MAGI2: variants seen among roughly 807,000 people sequenced by gnomAD.
The protein encoded by MAGI2 is membrane associated guanylate kinase, WW and PDZ domain containing 2, also known as membrane-associated guanylate kinase, WW and PDZ domain-containing protein 2.
In MAGI2, 35 loss-of-function variants were observed where a neutral mutation model predicts 133.3. That is an observed-to-expected ratio of 0.26 (90% CI 0.20 to 0.35). MAGI2 has a LOEUF of 0.35. MAGI2 is among the 10% of genes least tolerant of loss of function. The probability of loss-of-function intolerance (pLI) is 1.00; values close to 1 mark genes in which losing one functional copy is unlikely to be tolerated. For missense variants in MAGI2, 1,636 were observed against 1,863.4 expected (o/e 0.88, Z 2.25); for synonymous variants, 729 against 710.6 (o/e 1.03, Z -0.41).
At chr7:79,150,642 T>C (rs1823122201) in intron 1 of MAGI2, among the ~76,000 whole-genome samples, 2 of 152,156 alleles carry the variant, frequency 1.3e-5, no homozygotes, top group Admixed American at 1.3e-4. Context: ...GTGGAATAAA[T>C]GTTTAATAAT....
At chr7:79,230,422 T>G (rs1382527554) in intron 1 of MAGI2, among the ~76,000 whole-genome samples, 1 of 151,534 alleles carries the variant, frequency 6.6e-6, no homozygotes, top group Non-Finnish European at 1.5e-5. Context: ...TGTAAAAGTG[T>G]TCCTATTTCT....
chr7:79,173,323 G>T (rs1825795092), intron 1 of MAGI2, among the ~76,000 whole-genome samples: 1 of 150,022 alleles, frequency 6.7e-6, no homozygotes, highest in African/African-American at 2.5e-5. Context: ...TATTATAATT[G>T]CATTTTTTTT....
intron 9 of MAGI2, among the ~76,000 whole-genome samples, chr7:78,284,914 A>AAAT (rs1300888858): frequency 6.6e-6 from 1 of 152,178 alleles, no homozygotes; most frequent in East Asian, 1.9e-4. Context: ...TAAGTACAGA[A>AAAT]AATATATGCT....
intron 2 of MAGI2, among the ~76,000 whole-genome samples, chr7:78,948,613 C>T (rs1262098957): frequency 3.9e-5 from 6 of 151,910 alleles, no homozygotes; most frequent in Non-Finnish European, 7.4e-5. Context: ...TTTTATAGAA[C>T]GACATTAGGC....
At chr7:78,253,773 T>TA (rs1792676266) in intron 10 of MAGI2, 1 of 152,144 alleles carries the variant, frequency 6.6e-6, no homozygotes. Flanking sequence ...CTTTATAAAT[T>TA]AAAAACTCTA....
intron 1 of MAGI2, among the ~76,000 whole-genome samples, chr7:79,030,517 G>A (rs541946458): frequency 6.6e-6 from 1 of 152,126 alleles, no homozygotes; most frequent in Non-Finnish European, 1.5e-5. Flanking sequence ...GTTTTTGTTT[G>A]TTCCTTTGTT....
intron 9 of MAGI2, among the ~76,000 whole-genome samples, chr7:78,276,643 C>CAATT (rs59529704): frequency 0.88 from 134,080 of 151,790 alleles, 59,272 homozygotes; most frequent in South Asian, 0.95. Flanking sequence ...GATTAACAGT[C>CAATT]GAGTGAATAT....
chr7:78,297,306 A>G (rs1048823302), intron 9 of MAGI2, among the ~76,000 whole-genome samples: 6 of 150,542 alleles, frequency 4.0e-5, no homozygotes, highest in Admixed American at 2.6e-4. Context: ...TTAGAATGGC[A>G]ATCATTAAAA....
intron 1 of MAGI2, among the ~76,000 whole-genome samples, chr7:79,272,640 G>T (rs188803656): frequency 1.2e-4 from 18 of 151,910 alleles, no homozygotes; most frequent in Non-Finnish European, 1.9e-4. Context: ...TCAATTTAAG[G>T]TTATGATTTC....
rs118187464 is a variant in MAGI2, at chr7:78,998,524, C to T, written c.418+8566G>A. 9.0e-3 allele frequency among the ~76,000 whole-genome samples: 1,371 copies of T among 152,204 alleles called. 13 individuals are homozygous for T. Among genetic ancestry groups the T allele is most frequent in the Non-Finnish European group, 0.013 (861 of 68,004 alleles). The stretch of plus-strand genomic sequence containing the variant: ...GGCTTCCAATTCTTGGATGAGTGCT[C>T]TTTTCTTAGTTTCATGTTACAAATA... On this transcript the variant is annotated intron_variant, in intron 2 of 21. Coordinates refer to ENST00000354212, the MANE Select transcript of MAGI2 (RefSeq NM_012301.4).
At chr7:78,269,169 T>C (rs994453482) in intron 9 of MAGI2, among the ~76,000 whole-genome samples, 2 of 152,240 alleles carry the variant, frequency 1.3e-5, no homozygotes, top group Non-Finnish European at 2.9e-5. Flanking sequence ...CCACATTTTC[T>C]TTATCCAGTC....
At chr7:78,895,664 G>C (rs1157745996) in intron 2 of MAGI2, among the ~76,000 whole-genome samples, 2 of 152,086 alleles carry the variant, frequency 1.3e-5, no homozygotes, top group Admixed American at 1.3e-4. Flanking sequence ...GAAGGCAAAG[G>C]CTCCAAGGGC....
At chr7:78,487,010 C>A in intron 6 of MAGI2, 1 of 520,462 alleles carries the variant, frequency 1.9e-6, no homozygotes, top group Non-Finnish European at 3.9e-6. Flanking sequence ...TATTCCAGCA[C>A]AAAGAGAAAT....
chr7:78,589,094 C>T (rs900661919), intron 3 of MAGI2, among the ~76,000 whole-genome samples: 2 of 152,140 alleles, frequency 1.3e-5, no homozygotes, highest in Non-Finnish European at 2.9e-5. Context: ...TCCCAAACTC[C>T]TAGCCTATCA....
At chr7:78,468,879 AG>A (rs1790912639) in intron 6 of MAGI2, among the ~76,000 whole-genome samples, 1 of 152,172 alleles carries the variant, frequency 6.6e-6, no homozygotes, top group Non-Finnish European at 1.5e-5. Context: ...GGTTAATAAT[AG>A]CAAAATCACA....
chr7:78,113,792 C>T (rs972769000), intron 20 of MAGI2, among the ~76,000 whole-genome samples: 3 of 152,150 alleles, frequency 2.0e-5, no homozygotes, highest in Admixed American at 2.0e-4. Flanking sequence ...AATAACAGTA[C>T]AGGCCTTGGG....
chr7:79,048,373 T>A (rs1056416051), intron 1 of MAGI2, among the ~76,000 whole-genome samples: 1 of 152,206 alleles, frequency 6.6e-6, no homozygotes, highest in Non-Finnish European at 1.5e-5. Context: ...AGGAACAAAA[T>A]GCCACGATGT....
chr7:78,356,183 C>G (rs1792059805), intron 7 of MAGI2, among the ~76,000 whole-genome samples: 1 of 152,128 alleles, frequency 6.6e-6, no homozygotes. Context: ...TAAGGTGATT[C>G]TGTGCTAATA....
At chr7:79,157,553 T>C (rs1416051857) in intron 1 of MAGI2, among the ~76,000 whole-genome samples, 1 of 72,162 alleles carries the variant, frequency 1.4e-5, no homozygotes, top group Non-Finnish European at 4.3e-5. Flanking sequence ...CAGATCCTCC[T>C]TTTAAGAAAA....
Sources: gnomAD v4.1 joint callset for allele counts (sites outside exome capture counted in the v4.1 genomes callset) on GRCh38, gnomAD v4.1.1 for gene constraint, MANE v1.5 for transcripts, NCBI Gene and HGNC (gene_info 2026-07-23, HGNC 2026-07-21) for gene names.